The following DNAH6 variants were observed in gnomAD, a reference collection of about 807,000 sequenced individuals.
DNAH6 encodes dynein axonemal heavy chain 6.
DNAH6 carries 340 observed loss-of-function variants against 491.4 expected under a neutral mutation model. The observed-to-expected ratio is 0.69, with a 90% CI of 0.63 to 0.76. The LOEUF (loss-of-function observed/expected upper bound fraction) is 0.76, where lower values mean the gene tolerates loss of function less well. Ranked by LOEUF, DNAH6 falls within the 30% of genes least tolerant of loss-of-function variation. The pLI is 0.00. For synonymous variants in DNAH6, 1,603 were observed against 1,686.1 expected (o/e 0.95, Z 1.21); for missense variants, 4,443 against 4,972.2 (o/e 0.89, Z 3.20).
intron 68 of DNAH6, among the ~76,000 whole-genome samples, chr2:84,790,860 T>A (rs537481083): frequency 6.6e-6 from 1 of 152,272 alleles, no homozygotes; most frequent in African/African-American, 2.4e-5. Flanking sequence ...CTCCTAGATA[T>A]GTACTTAGAA....
intron 64 of DNAH6, chr2:84,777,303 T>C (rs984543075): frequency 1.1e-5 from 3 of 278,542 alleles, no homozygotes; most frequent in Admixed American, 8.6e-5. Context: ...GTAAATGCAC[T>C]CTTCTTCAAA....
At chr2:84,726,339 A>G (rs949330756) in intron 60 of DNAH6, among the ~76,000 whole-genome samples, 1 of 152,098 alleles carries the variant, frequency 6.6e-6, no homozygotes, top group Non-Finnish European at 1.5e-5. Flanking sequence ...CTGCAAACAC[A>G]TGCCCCTCAG....
At chr2:84,630,272 T>C (rs754135059) in intron 29 of DNAH6, among the ~76,000 whole-genome samples, 2 of 152,190 alleles carry the variant, frequency 1.3e-5, no homozygotes, top group African/African-American at 2.4e-5. Flanking sequence ...CACTAAAGAC[T>C]AATTGGAAAA....
At chr2:84,516,870 A>G (rs913798844) in intron 1 of DNAH6, among the ~76,000 whole-genome samples, 1 of 152,196 alleles carries the variant, frequency 6.6e-6, no homozygotes, top group African/African-American at 2.4e-5. Context: ...CAATGTGCTC[A>G]TATGTAAAAA....
intron 42 of DNAH6, among the ~76,000 whole-genome samples, chr2:84,685,085 A>C (rs1450138518): frequency 6.6e-6 from 1 of 152,206 alleles, no homozygotes; most frequent in African/African-American, 2.4e-5. Context: ...TGACCACTTC[A>C]CATGCTCGGT....
At chr2:84,689,275 C>T (rs17025484) in intron 45 of DNAH6, among the ~76,000 whole-genome samples, 3,825 of 152,310 alleles carry the variant, frequency 0.025, 57 homozygotes, top group Middle Eastern at 0.085. Context: ...AACAATCTCT[C>T]TATAGCTCAG....
intron 11 of DNAH6, among the ~76,000 whole-genome samples, chr2:84,563,510 A>G (rs1680872931): frequency 6.6e-6 from 1 of 151,622 alleles, no homozygotes; most frequent in Admixed American, 6.6e-5. Context: ...GCATTTTTTC[A>G]TATGTTTGCT....
intron 63 of DNAH6, among the ~76,000 whole-genome samples, chr2:84,760,621 G>A (rs1674482019): frequency 2.0e-5 from 3 of 152,262 alleles, no homozygotes; most frequent in African/African-American, 7.2e-5. Context: ...TCATACCCCA[G>A]TTAGAATAGC....
intron 60 of DNAH6, among the ~76,000 whole-genome samples, chr2:84,725,671 G>A (rs1439491303): frequency 2.0e-5 from 3 of 152,200 alleles, no homozygotes; most frequent in Non-Finnish European, 4.4e-5. Context: ...AAGTGATATA[G>A]GATGAATCAT....
chr2:84,593,824 A>C (rs1452293426), intron 16 of DNAH6, 148 bp from the exon 17 acceptor site: 1 of 377,796 alleles, frequency 2.6e-6, no homozygotes, highest in Middle Eastern at 7.3e-4. Context: ...TTTTTTCTTC[A>C]TCTGTTTCTA....
In DNAH6 at chr2:84,672,323, C is replaced by T. The variant is rs779839152; in HGVS notation, c.6455-4C>T. The T allele has an allele frequency of 6.3e-5, 98 of 1,544,556 alleles. No individual in the cohort carries two copies. The African/African-American group carries it at 1.3e-3, about 20-fold the overall frequency. ...CTTAAATTAAATTCATTTTATTTCC[C>T]TAGGAGCACCGGGAAACAAACGAAT... is the stretch of plus-strand genomic sequence containing the variant. On this transcript the variant is annotated splice_region_variant and splice_polypyrimidine_tract_variant and intron_variant, in intron 39 of 76. Transcript: ENST00000389394.
intron 42 of DNAH6, among the ~76,000 whole-genome samples, chr2:84,683,197 C>T (rs1242498495): frequency 6.6e-6 from 1 of 152,128 alleles, no homozygotes; most frequent in African/African-American, 2.4e-5. Context: ...ATGTATCTGT[C>T]TCTCCCATTA....
intron 63 of DNAH6, among the ~76,000 whole-genome samples, chr2:84,749,553 C>A (rs1673273503): frequency 6.6e-6 from 1 of 152,208 alleles, no homozygotes; most frequent in African/African-American, 2.4e-5. Flanking sequence ...AGCCAAGGAA[C>A]TGCAAGGTTA....
intron 56 of DNAH6, 28 bp downstream of exon 56, chr2:84,710,440 T>A (rs1272518079): frequency 1.1e-5 from 17 of 1,549,978 alleles, no homozygotes; most frequent in Non-Finnish European, 1.4e-5. Flanking sequence ...TTTTCTCATG[T>A]CAGTTCCCAA....
At chr2:84,753,595 T>A (rs1038741772) in intron 63 of DNAH6, among the ~76,000 whole-genome samples, 2 of 151,542 alleles carry the variant, frequency 1.3e-5, no homozygotes, top group African/African-American at 2.4e-5. Context: ...CCGTCTCTAC[T>A]AAAAATACAA....
intron 57 of DNAH6, among the ~76,000 whole-genome samples, chr2:84,714,316 G>A (rs1697325337): frequency 6.6e-6 from 1 of 152,176 alleles, no homozygotes; most frequent in Non-Finnish European, 1.5e-5. Flanking sequence ...AATAAGATGG[G>A]GAAATATCAT....
chr2:84,800,051 C>A (rs1327204763), intron 70 of DNAH6, among the ~76,000 whole-genome samples: 1 of 152,194 alleles, frequency 6.6e-6, no homozygotes, highest in African/African-American at 2.4e-5. Flanking sequence ...TAAGCCAGGA[C>A]TACAGCCTGA....
At position 84,637,332 on chromosome 2, in the gene DNAH6, T is replaced by C. The variant is rs1165236857; in HGVS notation, c.4776T>C (p.Phe1592=). 3 of 1,550,356 alleles carry C rather than the reference T, an allele frequency of 1.9e-6. No homozygotes were observed. Among genetic ancestry groups the C allele is most frequent in the African/African-American group, 2.7e-5 (2 of 73,022 alleles). Residue 1592 remains phenylalanine (F), a synonymous_variant, in exon 31 of 77, where the codon TTT becomes TTC. Transcript: ENST00000389394. The stretch of plus-strand genomic sequence containing the variant: ...TGCCAGATAATTTGAAAGCCCTGTT[T>C]AGACCATTTGCGATGATGGTTCCAA... ...TELPDNLKAL[F]RPFAMMVPNY...
the DNAH6 span, among the ~76,000 whole-genome samples, chr2:84,460,333 T>C: frequency 6.6e-6 from 1 of 152,240 alleles, no homozygotes; most frequent in East Asian, 1.9e-4. Context: ...GATCATGTTC[T>C]TGTGATAACT....
Sources: gnomAD v4.1 joint callset for allele counts (sites outside exome capture counted in the v4.1 genomes callset) on GRCh38, gnomAD v4.1.1 for gene constraint, MANE v1.5 for transcripts, NCBI Gene and HGNC (gene_info 2026-07-23, HGNC 2026-07-21) for gene names.